L3MBTL3: variants seen among roughly 807,000 people sequenced by gnomAD.
The protein encoded by L3MBTL3 is L3MBTL histone methyl-lysine binding protein 3, also known as lethal(3)malignant brain tumor-like protein 3.
Under a neutral mutation model 102.3 loss-of-function variants are expected in L3MBTL3, and 27 were observed. The observed-to-expected ratio is 0.26, with a 90% CI of 0.19 to 0.36. The LOEUF (loss-of-function observed/expected upper bound fraction) is 0.36. L3MBTL3 is among the 10% of genes least tolerant of loss of function. L3MBTL3 has a pLI of 1.00. For missense variants in L3MBTL3, 798 were observed against 955.3 expected (o/e 0.84, Z 2.17); for synonymous variants, 340 against 320.9 (o/e 1.06, Z -0.64).
chr6:130,102,638 CA>C (rs1343034073), intron 18 of L3MBTL3, among the ~76,000 whole-genome samples: 1 of 152,174 alleles, frequency 6.6e-6, no homozygotes, highest in Non-Finnish European at 1.5e-5. Context: ...ACACTCTAGC[CA>C]ACCCTGGTCT....
chr6:130,056,273 C>T (rs1243075823), intron 8 of L3MBTL3, among the ~76,000 whole-genome samples: 2 of 152,004 alleles, frequency 1.3e-5, no homozygotes, highest in African/African-American at 4.8e-5. Flanking sequence ...ATTTTATTTC[C>T]AGGAGGAAAC....
At chr6:130,035,495 G>T (rs1780001946) in intron 2 of L3MBTL3, among the ~76,000 whole-genome samples, 1 of 152,216 alleles carries the variant, frequency 6.6e-6, no homozygotes, top group Admixed American at 6.5e-5. Flanking sequence ...CAGCCCTTTT[G>T]TTGGAGGCTG....
intron 20 of L3MBTL3, among the ~76,000 whole-genome samples, chr6:130,130,193 A>C (rs974006777): frequency 6.6e-6 from 1 of 152,254 alleles, no homozygotes; most frequent in Non-Finnish European, 1.5e-5. Flanking sequence ...TCATTTCCTT[A>C]GAATGGGTTA....
intron 6 of L3MBTL3, 51 bp downstream of exon 6, chr6:130,051,459 CATG>C: frequency 6.7e-7 from 1 of 1,483,094 alleles, no homozygotes; most frequent in Non-Finnish European, 9.4e-7. Flanking sequence ...ATTCCAAAGT[CATG>C]GTGCCTGAGA....
chr6:130,050,282 C>T (rs559972048), intron 5 of L3MBTL3, among the ~76,000 whole-genome samples: 2 of 152,340 alleles, frequency 1.3e-5, no homozygotes, highest in South Asian at 2.1e-4. Context: ...CCTACCTGCT[C>T]GCCTTGTCTC....
chr6:130,076,834 A>G (rs1782985575), intron 13 of L3MBTL3, among the ~76,000 whole-genome samples: 1 of 152,154 alleles, frequency 6.6e-6, no homozygotes, highest in East Asian at 1.9e-4. Flanking sequence ...ATAGATAAAA[A>G]CAGTAATATT....
At position 130,066,637 on chromosome 6, in the gene L3MBTL3, A is replaced by G. The variant is rs905918032; in HGVS notation, c.1000+149A>G. The G allele has an allele frequency of 7.9e-6, 5 of 635,824 alleles. No homozygotes were observed. In the African/African-American group the frequency reaches 9.3e-5, roughly 12 times the overall value. 39.4% of individuals were successfully genotyped at this position (635,824 alleles called of 1,614,324 possible). Reference sequence around the variant, plus strand: ...GTTTATGATGAAACCATGTTTATTAAAGTTAAAGAAATAAAAGCAGAATCC... The same window carrying G: ...GTTTATGATGAAACCATGTTTATTAGAGTTAAAGAAATAAAAGCAGAATCC... On this transcript the variant is annotated intron_variant, in intron 11 of 22. Transcript: ENST00000361794.
At position 130,070,446 on chromosome 6, in the gene L3MBTL3, G is replaced by A. The variant is rs563228666; in HGVS notation, c.1093-530G>A. On this transcript the variant is annotated intron_variant, in intron 12 of 22. Transcript: ENST00000361794. ...ATATCTGTAGTGTTGAGTAAAAGTTGTAATAATTTGCAGCCTTTCATATAT... is the reference window on the plus strand; with the variant it reads ...ATATCTGTAGTGTTGAGTAAAAGTTATAATAATTTGCAGCCTTTCATATAT... 7.9e-5 allele frequency among the ~76,000 whole-genome samples: 12 copies of A among 152,300 alleles called. No homozygotes were observed. In the South Asian group the frequency reaches 1.7e-3, roughly 21 times the overall value.
At chr6:130,062,990 C>CTTT (rs367985147) in intron 10 of L3MBTL3, among the ~76,000 whole-genome samples, 25,074 of 125,618 alleles carry the variant, frequency 0.2, 2,473 homozygotes, top group East Asian at 0.3. Flanking sequence ...TCTTGCCTTT[C>CTTT]TTTTTTTTTT....
chr6:130,022,208 C>T lies in L3MBTL3; in HGVS notation c.-94-19C>T, dbSNP rs1054933810. 1 of 152,170 alleles carries T rather than the reference C, an allele frequency of 6.6e-6. No homozygotes were observed. The highest frequency in any genetic ancestry group is 1.5e-5 in the Non-Finnish European group (1 of 68,038). The allele number at this position is 152,170 out of a possible 1,614,324, so 9.4% of individuals were successfully genotyped here. On this transcript the variant is annotated intron_variant, in intron 1 of 22. Transcript: ENST00000361794. ...ACAGTGTTTTGATTTTACCTTCCCTCTCTTTAAACCAATGCTAGAACCCTT... is the reference window on the plus strand; with the variant it reads ...ACAGTGTTTTGATTTTACCTTCCCTTTCTTTAAACCAATGCTAGAACCCTT...
At chr6:130,118,189 C>A (rs777086969) in intron 19 of L3MBTL3, among the ~76,000 whole-genome samples, 1 of 151,984 alleles carries the variant, frequency 6.6e-6, no homozygotes, top group African/African-American at 2.4e-5. Flanking sequence ...AAATAAAAGA[C>A]GATTGAATCC....
chr6:130,031,249 A>T (rs1584280981), intron 2 of L3MBTL3, among the ~76,000 whole-genome samples: 1 of 152,298 alleles, frequency 6.6e-6, no homozygotes, highest in Non-Finnish European at 1.5e-5. Context: ...TCAGACTGGG[A>T]GCTAGATTAG....
chr6:130,033,817 T>C (rs567958613), intron 2 of L3MBTL3, among the ~76,000 whole-genome samples: 114 of 152,262 alleles, frequency 7.5e-4, no homozygotes, highest in Non-Finnish European at 1.4e-3. Context: ...TGTAAAATTA[T>C]TAAAACTATT....
At chr6:130,030,825 A>G (rs1035266198) in intron 2 of L3MBTL3, among the ~76,000 whole-genome samples, 2 of 152,112 alleles carry the variant, frequency 1.3e-5, no homozygotes, top group Non-Finnish European at 2.9e-5. Flanking sequence ...GGTGACCTCA[A>G]TTTTCTCATC....
chr6:130,032,140 C>T (rs1361145159), intron 2 of L3MBTL3, among the ~76,000 whole-genome samples: 1 of 152,130 alleles, frequency 6.6e-6, no homozygotes, highest in Non-Finnish European at 1.5e-5. Flanking sequence ...TCTTGAACTC[C>T]TGGCCTCAGG....
intron 14 of L3MBTL3, 140 bp from the exon 15 acceptor site, chr6:130,083,480 C>G (rs888964961): frequency 9.4e-6 from 4 of 424,082 alleles, no homozygotes; most frequent in African/African-American, 8.4e-5. Flanking sequence ...ACTAATAGCT[C>G]TGAATGTGTG....
chr6:130,067,171 T>G (rs1782314537), intron 11 of L3MBTL3, among the ~76,000 whole-genome samples: 1 of 152,090 alleles, frequency 6.6e-6, no homozygotes. Flanking sequence ...TGCAGTGCAG[T>G]GGTGTGATAT....
intron 2 of L3MBTL3, among the ~76,000 whole-genome samples, chr6:130,033,432 A>C (rs1046711569): frequency 1.3e-5 from 2 of 152,248 alleles, no homozygotes; most frequent in Non-Finnish European, 2.9e-5. Context: ...GCATCATAGC[A>C]ACAAGCTGTT....
chr6:130,078,467 A>G, intron 13 of L3MBTL3, 91 bp from the exon 14 acceptor site: 1 of 842,716 alleles, frequency 1.2e-6, no homozygotes, highest in Non-Finnish European at 1.9e-6. Context: ...CTCTCTGTAA[A>G]GTGCTCATGA....
Sources: allele counts gnomAD v4.1 joint callset (sites outside exome capture counted in the v4.1 genomes callset), GRCh38; gene constraint gnomAD v4.1.1; transcripts MANE v1.5; gene names NCBI Gene and HGNC (gene_info 2026-07-23, HGNC 2026-07-21).